Variants in RCOR1 observed in about 807,000 individuals in gnomAD.
The protein encoded by RCOR1 is REST corepressor.
In RCOR1, 12 loss-of-function variants were observed where a neutral mutation model predicts 64.0. The observed-to-expected ratio is 0.19, with a 90% CI of 0.12 to 0.30. RCOR1 has a LOEUF of 0.30. RCOR1 is among the 10% of genes least tolerant of loss of function. The probability of loss-of-function intolerance (pLI) is 1.00; values close to 1 mark genes in which losing one functional copy is unlikely to be tolerated. For missense variants in RCOR1, 502 were observed against 621.2 expected, an observed-to-expected ratio of 0.81 and a Z score of 2.04; for synonymous variants, 279 against 227.2, an observed-to-expected ratio of 1.23 and a Z score of -2.05.
intron 2 of RCOR1, among the ~76,000 whole-genome samples, chr14:102,598,301 C>G (rs1412527374): frequency 2.0e-5 from 3 of 152,110 alleles, no homozygotes; most frequent in African/African-American, 4.8e-5. Flanking sequence ...GCCAGCTTGA[C>G]CCTATTTAGG....
chr14:102,599,810 T>G (rs980890359), intron 2 of RCOR1, among the ~76,000 whole-genome samples: 1 of 151,090 alleles, frequency 6.6e-6, no homozygotes, highest in African/African-American at 2.4e-5. Context: ...TTTGTTTTGT[T>G]TTTTTTTTTT....
At chr14:102,701,351 C>T (rs1371236498) in intron 4 of RCOR1, 21 bp downstream of exon 4, 2 of 1,542,728 alleles carry the variant, frequency 1.3e-6, no homozygotes, top group Non-Finnish European at 1.7e-6. Flanking sequence ...GGTTTTCTTT[C>T]TTTTGCTGTT....
chr14:102,722,089 G>C (rs960206677), intron 10 of RCOR1, 98 bp from the exon 11 acceptor site: 4 of 844,928 alleles, frequency 4.7e-6, no homozygotes, highest in East Asian at 5.2e-5. Flanking sequence ...TTAAAAGCCT[G>C]TATGTTTTCT....
chr14:102,726,342 A>G, intron 11 of RCOR1, 126 bp from the exon 12 acceptor site: 3 of 838,610 alleles, frequency 3.6e-6, no homozygotes, highest in Non-Finnish European at 5.5e-6. Context: ...AAAAAAAAAA[A>G]AAGAACTCGG....
intron 2 of RCOR1, among the ~76,000 whole-genome samples, chr14:102,633,758 CG>C (rs1439996547): frequency 6.6e-6 from 1 of 151,610 alleles, no homozygotes; most frequent in Non-Finnish European, 1.5e-5. Context: ...AGGCTGGTCT[CG>C]AACTCCTGAC....
intron 2 of RCOR1, among the ~76,000 whole-genome samples, chr14:102,641,247 C>T (rs942095716): frequency 3.3e-5 from 5 of 151,464 alleles, no homozygotes; most frequent in African/African-American, 4.9e-5. Flanking sequence ...GAGTGAGACT[C>T]GGCCTTAAAA....
chr14:102,611,995 G>A (rs931561500), intron 2 of RCOR1, among the ~76,000 whole-genome samples: 1 of 152,140 alleles, frequency 6.6e-6, no homozygotes, highest in Non-Finnish European at 1.5e-5. Flanking sequence ...TTTAGAGATA[G>A]GGTCTCACTG....
At chr14:102,684,900 A>G (rs536123278) in intron 3 of RCOR1, among the ~76,000 whole-genome samples, 3 of 152,228 alleles carry the variant, frequency 2.0e-5, no homozygotes, top group Non-Finnish European at 2.9e-5. Context: ...ATGTTTAACA[A>G]TTACTCTATT....
At chr14:102,671,708 C>T (rs531130990) in intron 2 of RCOR1, among the ~76,000 whole-genome samples, 1 of 152,196 alleles carries the variant, frequency 6.6e-6, no homozygotes, top group Admixed American at 6.5e-5. Flanking sequence ...TAACAAAACA[C>T]GCAGTTCACT....
At chr14:102,679,094 T>C (rs1895251107) in intron 2 of RCOR1, among the ~76,000 whole-genome samples, 1 of 152,250 alleles carries the variant, frequency 6.6e-6, no homozygotes, top group South Asian at 2.1e-4. Flanking sequence ...CAGTGCCTTT[T>C]GCAGAGCAAA....
At chr14:102,624,230 A>G (rs537635492) in intron 2 of RCOR1, among the ~76,000 whole-genome samples, 66 of 150,416 alleles carry the variant, frequency 4.4e-4, no homozygotes, top group Admixed American at 6.0e-4. Context: ...AAGGCTGTGC[A>G]TGGTGGCTCA....
intron 2 of RCOR1, among the ~76,000 whole-genome samples, chr14:102,629,414 T>C (rs1894056900): frequency 6.8e-6 from 1 of 147,324 alleles, no homozygotes; most frequent in Non-Finnish European, 1.5e-5. Context: ...AGAGGAGAGC[T>C]TTTTAAAATC....
intron 3 of RCOR1, among the ~76,000 whole-genome samples, chr14:102,684,528 G>T (rs1472532010): frequency 6.6e-6 from 1 of 152,050 alleles, no homozygotes; most frequent in African/African-American, 2.4e-5. Flanking sequence ...CGGCTTTGTA[G>T]AAATGCATTA....
chr14:102,697,681 TC>T (rs1328721586), intron 3 of RCOR1, among the ~76,000 whole-genome samples: 2 of 152,114 alleles, frequency 1.3e-5, no homozygotes, highest in Non-Finnish European at 2.9e-5. Flanking sequence ...AGTGCTTTCT[TC>T]CTTTACTTTA....
chr14:102,608,766 T>C (rs992471257), intron 2 of RCOR1, among the ~76,000 whole-genome samples: 1 of 151,364 alleles, frequency 6.6e-6, no homozygotes, highest in Non-Finnish European at 1.5e-5. Context: ...GGTTTGTTTA[T>C]GTTGGCCAGG....
chr14:102,651,332 A>T (rs1894584219), intron 2 of RCOR1, among the ~76,000 whole-genome samples: 2 of 152,254 alleles, frequency 1.3e-5, no homozygotes, highest in South Asian at 4.2e-4. Context: ...AGGAAGGCGG[A>T]TCATGAGGTC....
chr14:102,722,570 A>G (rs1218634974), intron 11 of RCOR1, among the ~76,000 whole-genome samples, 154 bp downstream of exon 11: 1 of 152,224 alleles, frequency 6.6e-6, no homozygotes, highest in Non-Finnish European at 1.5e-5. Context: ...ATGTGTATGC[A>G]TTGACTCCAG....
intron 2 of RCOR1, among the ~76,000 whole-genome samples, chr14:102,611,176 A>AT (rs1893625973): frequency 6.6e-6 from 1 of 151,934 alleles, no homozygotes; most frequent in African/African-American, 2.4e-5. Context: ...CATTCAGGCG[A>AT]TTCTCCTGTC....
At chr14:102,643,805 A>T (rs1171059748) in intron 2 of RCOR1, among the ~76,000 whole-genome samples, 2 of 152,208 alleles carry the variant, frequency 1.3e-5, no homozygotes, top group African/African-American at 4.8e-5. Flanking sequence ...AGACGTATCT[A>T]TGAAGTGAAA....
Sources: gnomAD v4.1 joint callset for allele counts (sites outside exome capture counted in the v4.1 genomes callset) on GRCh38, gnomAD v4.1.1 for gene constraint, MANE v1.5 for transcripts, NCBI Gene and HGNC (gene_info 2026-07-23, HGNC 2026-07-21) for gene names.